DNAJC25: variants seen among roughly 807,000 people sequenced by gnomAD.
DNAJC25 encodes dnaJ homolog subfamily C member 25.
DNAJC25 carries 26 observed loss-of-function variants against 42.1 expected under a neutral mutation model. The ratio of observed to expected loss-of-function variants is 0.62; its 90% CI spans 0.45 to 0.86. The LOEUF is 0.86. Ranked by LOEUF, DNAJC25 falls within the 40% of genes least tolerant of loss-of-function variation. DNAJC25 has a pLI of 0.00. For missense variants in DNAJC25, 404 were observed against 459.4 expected (o/e 0.88, Z 1.10); for synonymous variants, 189 against 179.9 (o/e 1.05, Z -0.40).
At chr9:111,648,347 G>A (rs1354204503) in intron 2 of DNAJC25, among the ~76,000 whole-genome samples, 1 of 150,986 alleles carries the variant, frequency 6.6e-6, no homozygotes, top group African/African-American at 2.4e-5. Flanking sequence ...CTGTAGCCTT[G>A]ACTTCTTGGG....
chr9:111,642,610 T>TAAAA (rs1564084985), intron 1 of DNAJC25, among the ~76,000 whole-genome samples: 17 of 62,910 alleles, frequency 2.7e-4, no homozygotes, highest in Admixed American at 1.5e-3. Context: ...TATCAATAAA[T>TAAAA]AAATAAATAA....
chr9:111,632,700 T>C (rs1357139790), intron 1 of DNAJC25, among the ~76,000 whole-genome samples: 2 of 152,102 alleles, frequency 1.3e-5, no homozygotes, highest in South Asian at 2.1e-4. Flanking sequence ...TTTTTTTTTT[T>C]TTCCCGAGGC....
In DNAJC25 at chr9:111,649,855, G is replaced by T; in HGVS notation, c.892G>T (p.Asp298Tyr). ...KSMKMSKSQF[D>Y]SLEDHQKETF... ...TATGAAGATGTCAAAGTCTCAATTTGATAGTCTAGAAGATCATCAGAAAGA... is the reference window on the plus strand; with the variant it reads ...TATGAAGATGTCAAAGTCTCAATTTTATAGTCTAGAAGATCATCAGAAAGA... Residue 298 changes from aspartate (D) to tyrosine (Y), a missense_variant, in exon 3 of 4, where the codon GAT (aspartate) becomes TAT (tyrosine). Asp to Tyr is a radical substitution (Grantham distance 160, BLOSUM62 -3). Coordinates refer to ENST00000313525, the MANE Select transcript of DNAJC25 (RefSeq NM_001015882.3). 1 of 1,611,604 alleles carries T rather than the reference G, an allele frequency of 6.2e-7. No individual in the cohort carries two copies. The highest frequency in any genetic ancestry group is 1.1e-5 in the South Asian group (1 of 90,496).
At chr9:111,641,955 C>T (rs1413441551) in intron 1 of DNAJC25, among the ~76,000 whole-genome samples, 9 of 135,410 alleles carry the variant, frequency 6.6e-5, no homozygotes, top group African/African-American at 1.6e-4. Context: ...GCCCCCCGCC[C>T]GGCCAGCCGC....
chr9:111,650,194 G>T (rs1190739969), intron 3 of DNAJC25, among the ~76,000 whole-genome samples: 3 of 151,828 alleles, frequency 2.0e-5, no homozygotes, highest in East Asian at 1.9e-4. Context: ...GCATTGGAAT[G>T]ATATGCATGT....
chr9:111,631,757 G>A lies in DNAJC25; in HGVS notation c.336+14G>A, dbSNP rs751768552. ...GAGACACTCAAGGTGAGGCCTGCGG[G>A]CGTGGAGGGGCTTCGAAGACTGGCC... On this transcript the variant is annotated intron_variant, in intron 1 of 3. Transcript: ENST00000313525. 4.0e-6 allele frequency: 6 copies of A among 1,502,682 alleles called. No individual in the cohort carries two copies. The Admixed American group carries it at 1.1e-4, about 27-fold the overall frequency. 93.1% of individuals were successfully genotyped at this position (1,502,682 alleles called of 1,614,324 possible). A position where few individuals can be genotyped will look rare whatever the true frequency, so the allele number is the denominator to read the frequency against.
At chr9:111,641,540 A>C (rs1218619639) in intron 1 of DNAJC25, among the ~76,000 whole-genome samples, 74 of 12,034 alleles carry the variant, frequency 6.1e-3, no homozygotes, top group Admixed American at 0.021. Flanking sequence ...GGGGGGTCGG[A>C]CCCCGCCCGG....
In DNAJC25 at chr9:111,649,662, G is replaced by A; in HGVS notation, c.699G>A (p.Lys233=). ...TTATAAAAAGTAAAATAGATATAAA[G>A]GGGGGCTATCAGAAACCCCAAATCT... ...KNIIKSKIDI[K]GGYQKPQICD... The change falls in exon 3 of 4, where the codon AAG becomes AAA. Residue 233 remains lysine (K), a synonymous_variant. Coordinates refer to ENST00000313525, the MANE Select transcript of DNAJC25 (RefSeq NM_001015882.3). The A allele has an allele frequency of 1.2e-6, 2 of 1,613,892 alleles. No homozygotes were observed. Among genetic ancestry groups the A allele is most frequent in the Non-Finnish European group, 1.7e-6 (2 of 1,179,946 alleles).
At position 111,631,806 on chromosome 9, in the gene DNAJC25, G is replaced by A. The variant is rs952206261; in HGVS notation, c.336+63G>A. On this transcript the variant is annotated intron_variant, in intron 1 of 3. Transcript: ENST00000313525. Reference sequence around the variant, plus strand: ...CCGCGGGAAGCCCACGGCGCCTTCCGACCCCGGTCCGCGGAGCGTGGGCCT... The same window carrying A: ...CCGCGGGAAGCCCACGGCGCCTTCCAACCCCGGTCCGCGGAGCGTGGGCCT... The A allele has an allele frequency of 6.2e-6, 9 of 1,452,090 alleles. No individual in the cohort carries two copies. The Admixed American group carries it at 1.6e-4, about 25-fold the overall frequency. The allele number at this position is 1,452,090 out of a possible 1,614,324, so 90.0% of individuals were successfully genotyped here. A position where few individuals can be genotyped will look rare whatever the true frequency, so the allele number is the denominator to read the frequency against.
At position 111,647,109 on chromosome 9, in the gene DNAJC25, T is replaced by C. The variant is rs1254198105; in HGVS notation, c.339T>C (p.Asp113=). The C allele has an allele frequency of 1.2e-6, 2 of 1,613,384 alleles. No homozygotes were observed. Among genetic ancestry groups the C allele is most frequent in the South Asian group, 2.2e-5 (2 of 90,858 alleles). ...TTGGATATCTTGTCATTTTACAGGA[T>C]GAAGAAACACGAAAAGATTATGATT... The part of the protein sequence containing the change: ...LVATAYETLK[D]EETRKDYDYM... Residue 113 remains aspartate (D), a splice_region_variant and synonymous_variant, in exon 2 of 4, where the codon GAT becomes GAC. Coordinates refer to ENST00000313525, the MANE Select transcript of DNAJC25 (RefSeq NM_001015882.3).
At chr9:111,633,568 C>A (rs1028545648) in intron 1 of DNAJC25, among the ~76,000 whole-genome samples, 1 of 152,160 alleles carries the variant, frequency 6.6e-6, no homozygotes, top group Non-Finnish European at 1.5e-5. Context: ...AGATGGAGAA[C>A]TTCCAGAAGA....
chr9:111,631,893 G>A, intron 1 of DNAJC25, 150 bp downstream of exon 1: 3 of 1,378,544 alleles, frequency 2.2e-6, no homozygotes, highest in Non-Finnish European at 2.8e-6. Context: ...CGTTTCCCAC[G>A]TGGCCCTGTG....
chr9:111,640,062 G>A (rs554764254), intron 1 of DNAJC25, among the ~76,000 whole-genome samples: 2 of 151,672 alleles, frequency 1.3e-5, no homozygotes, highest in Admixed American at 1.3e-4. Flanking sequence ...TCAGTCTGCC[G>A]AATGCCTGCG....
At chr9:111,639,486 G>T (rs933137010) in intron 1 of DNAJC25, among the ~76,000 whole-genome samples, 2 of 152,244 alleles carry the variant, frequency 1.3e-5, no homozygotes, top group East Asian at 1.9e-4. Flanking sequence ...CCAAATCATG[G>T]AAGTTTTTGA....
At chr9:111,646,672 A>C (rs1830572098) in intron 1 of DNAJC25, among the ~76,000 whole-genome samples, 1 of 152,198 alleles carries the variant, frequency 6.6e-6, no homozygotes, top group Non-Finnish European at 1.5e-5. Context: ...GTAGGCACAG[A>C]CTGGCTTCAC....
intron 1 of DNAJC25, among the ~76,000 whole-genome samples, chr9:111,640,125 G>C (rs1211726479): frequency 7.1e-6 from 1 of 140,804 alleles, no homozygotes; most frequent in Non-Finnish European, 1.5e-5. Flanking sequence ...ACGGGGTTTC[G>C]CTGTGTTGGC....
chr9:111,641,384 C>A (rs1209639060), intron 1 of DNAJC25, among the ~76,000 whole-genome samples: 244 of 137,004 alleles, frequency 1.8e-3, no homozygotes, highest in African/African-American at 4.6e-3. Context: ...GGCCAGCCGC[C>A]CTGTCTGGGA....
chr9:111,631,560 C>A lies in DNAJC25; in HGVS notation c.153C>A (p.Tyr51Ter). Residue 51 changes from tyrosine (Y) to a stop codon, truncating the protein, a stop_gained, in exon 1 of 4, where the codon TAC becomes TAA. Coordinates refer to ENST00000313525, the MANE Select transcript of DNAJC25 (RefSeq NM_001015882.3). LOFTEE classifies it high-confidence loss of function. ...TCTACTGCGGCACGCGGGACTGCTA[C>A]GAGGTGCTGGGCGTGAGCCGCTCGG... ...EGLYCGTRDC[Y>*]EVLGVSRSAG... 1 of 1,425,486 alleles carries A rather than the reference C, an allele frequency of 7.0e-7. No individual in the cohort carries two copies. The highest frequency in any genetic ancestry group is 9.1e-7 in the Non-Finnish European group (1 of 1,100,004). 88.3% of individuals were successfully genotyped at this position (1,425,486 alleles called of 1,614,324 possible).
chr9:111,651,005 A>C (rs1161888302), intron 3 of DNAJC25, among the ~76,000 whole-genome samples: 4 of 152,090 alleles, frequency 2.6e-5, no homozygotes, highest in Non-Finnish European at 4.4e-5. Flanking sequence ...GGTGGCTCAC[A>C]CTTGTAATCC....
Sources: gnomAD v4.1 joint callset for allele counts (sites outside exome capture counted in the v4.1 genomes callset) on GRCh38, gnomAD v4.1.1 for gene constraint, MANE v1.5 for transcripts, NCBI Gene and HGNC (gene_info 2026-07-23, HGNC 2026-07-21) for gene names.